Variants in ZNF516 observed in about 807,000 individuals in gnomAD.
ZNF516 encodes zinc finger protein 516.
In ZNF516, 19 loss-of-function variants were observed where a neutral mutation model predicts 79.7. That is an observed-to-expected ratio of 0.24 (90% CI 0.17 to 0.35). The LOEUF (loss-of-function observed/expected upper bound fraction) is 0.35, where lower values mean the gene tolerates loss of function less well. ZNF516 is among the 10% of genes least tolerant of loss of function. ZNF516 has a pLI of 1.00. For missense variants in ZNF516, 1,678 were observed against 1,679.5 expected (o/e 1.00, Z 0.02); for synonymous variants, 877 against 739.5 (o/e 1.19, Z -3.02).
intron 1 of ZNF516, among the ~76,000 whole-genome samples, chr18:76,478,570 T>C (rs1258203155): frequency 6.6e-6 from 1 of 152,244 alleles, no homozygotes; most frequent in African/African-American, 2.4e-5. Flanking sequence ...TTACAGTTTA[T>C]AGGCTGAATG....
rs1163375308 is a variant in ZNF516 at position 76,443,069 on chromosome 18, C to A, written c.-15G>T. 6.4e-7 allele frequency: 1 copy of A among 1,568,434 alleles called. No individual in the cohort carries two copies. The highest frequency in any genetic ancestry group is 8.6e-7 in the Non-Finnish European group (1 of 1,164,078). The stretch of plus-strand genomic sequence containing the variant: ...TTGCGATCCATCCGAAGGACGGGCG[C>A]GGCCGGTGGTGGCGGCACAGCTTTC... On this transcript the variant is annotated 5_prime_UTR_variant, in exon 3 of 7. Coordinates refer to ENST00000443185, the MANE Select transcript of ZNF516 (RefSeq NM_014643.4).
upstream of ZNF516, chr18:76,495,782 C>T (rs1453493226): frequency 8.9e-7 from 1 of 1,126,272 alleles, no homozygotes; most frequent in Middle Eastern, 2.5e-4. Context: ...CTTCGGGGGT[C>T]CCAGGTGCGT....
At chr18:76,435,406 A>G (rs2075718630) in intron 3 of ZNF516, among the ~76,000 whole-genome samples, 1 of 152,168 alleles carries the variant, frequency 6.6e-6, no homozygotes, top group African/African-American at 2.4e-5. Context: ...ATACAATAAA[A>G]CGTATTTAGG....
chr18:76,399,997 G>A (rs939885527), intron 3 of ZNF516, among the ~76,000 whole-genome samples: 2 of 152,166 alleles, frequency 1.3e-5, no homozygotes, highest in Non-Finnish European at 2.9e-5. Context: ...CTCTCCCACC[G>A]TGGGATGAGC....
chr18:76,381,369 AAC>A (rs1299915968), intron 3 of ZNF516, among the ~76,000 whole-genome samples: 6 of 152,276 alleles, frequency 3.9e-5, no homozygotes, highest in African/African-American at 1.4e-4. Context: ...TGAACTATAA[AAC>A]ACAGGATTCT....
At position 76,361,334 on chromosome 18, in the gene ZNF516, C is replaced by G. The variant is rs1398026233; in HGVS notation, c.*1164G>C. 6.6e-6 allele frequency: 1 copy of G among 152,206 alleles called. No homozygotes were observed. The highest frequency in any genetic ancestry group is 2.4e-5 in the African/African-American group (1 of 41,436). 9.4% of individuals were successfully genotyped at this position (152,206 alleles called of 1,614,324 possible). On this transcript the variant is annotated 3_prime_UTR_variant, in exon 7 of 7. Transcript: ENST00000443185. Reference sequence around the variant, plus strand: ...AGATCCTTTGTTATGGGCCTTAACCCCCACCACAAAAACTCGCATTTGCAT... The same window carrying G: ...AGATCCTTTGTTATGGGCCTTAACCGCCACCACAAAAACTCGCATTTGCAT...
chr18:76,493,205 G>A lies in ZNF516; in HGVS notation c.-272+1939C>T. ...AGAGTTTGCCTTCTTTAAGGAGGGA[G>A]GCGTCAGACGATATCCATTTAAATA... On this transcript the variant is annotated intron_variant, in intron 1 of 6. Transcript: ENST00000443185. This position sits in a 1 kb window ranked among gnomAD's most constrained non-coding sequence, Gnocchi z 5.2. 12 of 977,350 alleles carry A rather than the reference G, an allele frequency of 1.2e-5. No individual in the cohort carries two copies. The highest frequency in any genetic ancestry group is 1.5e-5 in the Non-Finnish European group (12 of 822,678). 60.5% of individuals were successfully genotyped at this position (977,350 alleles called of 1,614,324 possible). A position where few individuals can be genotyped will look rare whatever the true frequency, so the allele number is the denominator to read the frequency against.
At chr18:76,457,846 G>A (rs1461537315) in intron 2 of ZNF516, among the ~76,000 whole-genome samples, 3 of 152,156 alleles carry the variant, frequency 2.0e-5, no homozygotes, top group African/African-American at 4.8e-5. Flanking sequence ...AGAACATGTC[G>A]ATCCAGTCTT....
intron 3 of ZNF516, among the ~76,000 whole-genome samples, chr18:76,391,105 G>A (rs920547110): frequency 6.6e-6 from 1 of 152,190 alleles, no homozygotes; most frequent in Non-Finnish European, 1.5e-5. Context: ...CAGGAGGACA[G>A]AGATTGCACA....
At chr18:76,396,825 G>C (rs1189748861) in intron 3 of ZNF516, among the ~76,000 whole-genome samples, 3 of 152,212 alleles carry the variant, frequency 2.0e-5, no homozygotes, top group African/African-American at 7.2e-5. Flanking sequence ...ACCGCTGTCA[G>C]ACGATGTTTT....
intron 3 of ZNF516, among the ~76,000 whole-genome samples, 143 bp downstream of exon 3, chr18:76,441,085 TCCTGAGTCCCAGGGTTA>T (rs2075811406): frequency 6.6e-6 from 1 of 151,958 alleles, no homozygotes; most frequent in Non-Finnish European, 1.5e-5. Flanking sequence ...GGGTGTGGAG[TCCTGAGTCCCAGGGTTA>T]CCTGAGCATA....
chr18:76,476,964 A>G (rs537238486), intron 1 of ZNF516, among the ~76,000 whole-genome samples: 2 of 152,334 alleles, frequency 1.3e-5, no homozygotes, highest in East Asian at 1.9e-4. Context: ...CAAAACTCTG[A>G]AAAGAATTTT....
In ZNF516 at chr18:76,358,159, T is replaced by C. The variant is rs568851894; in HGVS notation, c.*4339A>G. On this transcript the variant is annotated 3_prime_UTR_variant, in exon 7 of 7. Coordinates refer to ENST00000443185, the MANE Select transcript of ZNF516 (RefSeq NM_014643.4). ...GGCTGTCAAACGATTTACGCCACCC[T>C]CTGAAATTGGGGAAAAATGTCTTAC... 22 of 152,288 alleles carry C rather than the reference T, an allele frequency of 1.4e-4. No individual in the cohort carries two copies. The highest frequency in any genetic ancestry group is 2.4e-4 in the Non-Finnish European group (16 of 68,018). The allele number at this position is 152,288 out of a possible 1,614,324, so 9.4% of individuals were successfully genotyped here. A position where few individuals can be genotyped will look rare whatever the true frequency, so the allele number is the denominator to read the frequency against.
intron 2 of ZNF516, among the ~76,000 whole-genome samples, chr18:76,460,880 G>C (rs554212508): frequency 6.6e-6 from 1 of 152,198 alleles, no homozygotes; most frequent in South Asian, 2.1e-4. Flanking sequence ...AGTAATAGAA[G>C]GGCCTTTTTA....
At chr18:76,428,612 T>TCA (rs950600642) in intron 3 of ZNF516, among the ~76,000 whole-genome samples, 1 of 152,130 alleles carries the variant, frequency 6.6e-6, no homozygotes, top group Non-Finnish European at 1.5e-5. Flanking sequence ...AGACATACTG[T>TCA]CACGTGGGGA....
chr18:76,489,387 C>A (rs940424494), intron 1 of ZNF516, among the ~76,000 whole-genome samples: 3 of 152,128 alleles, frequency 2.0e-5, no homozygotes, highest in Non-Finnish European at 4.4e-5. Context: ...TTTCCTTTTT[C>A]ACATACGTTG....
chr18:76,433,150 T>A (rs1022602061), intron 3 of ZNF516, among the ~76,000 whole-genome samples: 1 of 152,240 alleles, frequency 6.6e-6, no homozygotes, highest in African/African-American at 2.4e-5. Context: ...CGACTGCTGT[T>A]CATCGCTGTT....
chr18:76,392,257 C>G (rs2075084315), intron 3 of ZNF516, among the ~76,000 whole-genome samples: 1 of 152,206 alleles, frequency 6.6e-6, no homozygotes, highest in African/African-American at 2.4e-5. Flanking sequence ...GAAAAAGACT[C>G]TAGGTTCCTA....
chr18:76,381,893 G>A (rs887787828), intron 3 of ZNF516, among the ~76,000 whole-genome samples: 2 of 152,196 alleles, frequency 1.3e-5, no homozygotes, highest in African/African-American at 2.4e-5. Context: ...GCACTATGGG[G>A]GGCCGAGGCG....
Sources: gnomAD v4.1 joint callset for allele counts (sites outside exome capture counted in the v4.1 genomes callset) on GRCh38, gnomAD v4.1.1 for gene constraint, Gnocchi (gnomAD v3.1) non-coding constraint, MANE v1.5 for transcripts, NCBI Gene and HGNC (gene_info 2026-07-23, HGNC 2026-07-21) for gene names.